The following MACROD2 variants were observed in gnomAD, a reference collection of about 807,000 sequenced individuals.
MACROD2 encodes mono-ADP ribosylhydrolase 2.
Under a neutral mutation model 70.4 loss-of-function variants are expected in MACROD2, and 36 were observed. The ratio of observed to expected loss-of-function variants is 0.51; its 90% CI spans 0.39 to 0.68. The LOEUF (loss-of-function observed/expected upper bound fraction) is 0.68. Among genes scored for constraint, MACROD2 ranks in the 30% least tolerant of loss-of-function variants. MACROD2 has a pLI of 0.00. For synonymous variants in MACROD2, 172 were observed against 178.8 expected (o/e 0.96, Z 0.30); for missense variants, 496 against 538.4 (o/e 0.92, Z 0.78).
intron 8 of MACROD2, among the ~76,000 whole-genome samples, chr20:15,810,110 T>C (rs369283122): frequency 5.8e-4 from 87 of 149,132 alleles, no homozygotes; most frequent in African/African-American, 2.0e-3. Context: ...TGAGAACATG[T>C]GGTGTTTGGT....
intron 3 of MACROD2, among the ~76,000 whole-genome samples, chr20:14,281,255 G>A (rs983735903): frequency 6.6e-6 from 1 of 152,014 alleles, no homozygotes; most frequent in Non-Finnish European, 1.5e-5. Context: ...AATGAATGAA[G>A]TACTGATATT....
intron 8 of MACROD2, among the ~76,000 whole-genome samples, chr20:15,539,579 T>C (rs1319955696): frequency 6.6e-6 from 1 of 152,218 alleles, no homozygotes; most frequent in African/African-American, 2.4e-5. Flanking sequence ...TTTCACTGGT[T>C]GATTGGTTAA....
At chr20:15,116,303 A>C (rs1029575006) in intron 5 of MACROD2, among the ~76,000 whole-genome samples, 1 of 152,108 alleles carries the variant, frequency 6.6e-6, no homozygotes, top group African/African-American at 2.4e-5. Flanking sequence ...CTCAACATGA[A>C]GACCATGAGG....
chr20:14,466,658 T>C (rs185798525), intron 3 of MACROD2, among the ~76,000 whole-genome samples: 16 of 152,248 alleles, frequency 1.1e-4, no homozygotes, highest in Non-Finnish European at 1.5e-5. Context: ...TCCCCATCTT[T>C]GTGATTTTAT....
chr20:15,504,116 T>C lies in MACROD2; in HGVS notation c.645+4269T>C, dbSNP rs1026470085. On this transcript the variant is annotated intron_variant, in intron 8 of 17. Transcript: ENST00000684519. ...ATTTGCTTATGTTTAATTTCATAAA[T>C]CACCGCCAGCTGGTGTAGCTGGATA... Among the ~76,000 whole-genome samples the C allele has an allele frequency of 3.3e-5, 5 of 152,166 alleles. 1 individual carries two copies. Among genetic ancestry groups the C allele is most frequent in the Non-Finnish European group, 7.4e-5 (5 of 68,020 alleles).
chr20:15,958,142 T>A (rs896148460), intron 12 of MACROD2, among the ~76,000 whole-genome samples: 1 of 152,218 alleles, frequency 6.6e-6, no homozygotes, highest in African/African-American at 2.4e-5. Flanking sequence ...TTGGAAAATT[T>A]ATCAATATAT....
At chr20:15,166,889 G>A (rs1376355695) in intron 5 of MACROD2, among the ~76,000 whole-genome samples, 4 of 150,016 alleles carry the variant, frequency 2.7e-5, no homozygotes, top group Admixed American at 6.6e-5. Flanking sequence ...TTAAATTTAA[G>A]TATTAAGTAT....
chr20:14,664,055 CT>C (rs1282056590), intron 4 of MACROD2, among the ~76,000 whole-genome samples: 4 of 152,024 alleles, frequency 2.6e-5, no homozygotes, highest in Admixed American at 1.3e-4. Context: ...AGTATTGTCT[CT>C]TTTTTTCACT....
At chr20:15,189,448 A>G (rs1305476858) in intron 5 of MACROD2, among the ~76,000 whole-genome samples, 1 of 152,168 alleles carries the variant, frequency 6.6e-6, no homozygotes, top group Non-Finnish European at 1.5e-5. Flanking sequence ...GCAATCTAGC[A>G]TGAAAAATTT....
intron 5 of MACROD2, among the ~76,000 whole-genome samples, chr20:15,206,726 T>TTTTTTTTTTGTTTTG (rs1568636155): frequency 3.2e-5 from 2 of 61,674 alleles, no homozygotes; most frequent in Non-Finnish European, 6.3e-5. Context: ...TCTATGTTTT[T>TTTTTTTTTTGTTTTG]TTTTTTTTTT....
intron 8 of MACROD2, among the ~76,000 whole-genome samples, chr20:15,800,264 G>A (rs146825785): frequency 2.9e-4 from 44 of 152,050 alleles, no homozygotes; most frequent in African/African-American, 1.0e-3. Flanking sequence ...AGTTTCCTTT[G>A]CTGTGCAGAA....
chr20:14,583,211 T>G (rs1981157781), intron 4 of MACROD2, among the ~76,000 whole-genome samples: 1 of 152,196 alleles, frequency 6.6e-6, no homozygotes, highest in Non-Finnish European at 1.5e-5. Flanking sequence ...AGCATGAGCA[T>G]GTCTTTTAGC....
chr20:15,840,666 TAAAA>T (rs1164524652), intron 8 of MACROD2, among the ~76,000 whole-genome samples: 5 of 152,084 alleles, frequency 3.3e-5, no homozygotes, highest in Non-Finnish European at 7.4e-5. Flanking sequence ...GACTGTGAAA[TAAAA>T]GAATTCCATG....
intron 3 of MACROD2, among the ~76,000 whole-genome samples, chr20:14,151,243 T>C (rs563696443): frequency 3.4e-5 from 4 of 117,526 alleles, no homozygotes; most frequent in South Asian, 3.4e-4. Context: ...GATATTTCAA[T>C]GATGTTCTGC....
intron 15 of MACROD2, among the ~76,000 whole-genome samples, chr20:16,020,788 C>G (rs1336620411): frequency 6.6e-6 from 1 of 151,954 alleles, no homozygotes; most frequent in Non-Finnish European, 1.5e-5. Context: ...AAATCCATCC[C>G]CATGGACAGA....
intron 5 of MACROD2, among the ~76,000 whole-genome samples, chr20:14,805,757 C>T (rs75366515): frequency 3.3e-5 from 5 of 151,904 alleles, no homozygotes. Flanking sequence ...ACTCATCTTC[C>T]GAACATTTTT....
intron 5 of MACROD2, among the ~76,000 whole-genome samples, chr20:14,739,791 A>G (rs1334190255): frequency 6.6e-6 from 1 of 152,084 alleles, no homozygotes; most frequent in Non-Finnish European, 1.5e-5. Flanking sequence ...CATTCCAAAT[A>G]CTTTGATATA....
chr20:15,591,142 G>A (rs989520454), intron 8 of MACROD2, among the ~76,000 whole-genome samples: 5 of 152,156 alleles, frequency 3.3e-5, no homozygotes, highest in African/African-American at 9.7e-5. Context: ...GTAGTTCAGC[G>A]GATTTGAGCG....
chr20:14,169,039 G>T (rs527238873), intron 3 of MACROD2, among the ~76,000 whole-genome samples: 13 of 152,294 alleles, frequency 8.5e-5, no homozygotes, highest in African/African-American at 3.1e-4. Context: ...GGGATGCAGG[G>T]ATGGTTTAAC....
Sources: gnomAD v4.1 joint callset for allele counts (sites outside exome capture counted in the v4.1 genomes callset) on GRCh38, gnomAD v4.1.1 for gene constraint, MANE v1.5 for transcripts, NCBI Gene and HGNC (gene_info 2026-07-23, HGNC 2026-07-21) for gene names.